The following ABCA13 variants were observed in gnomAD, a reference collection of about 807,000 sequenced individuals.
ABCA13 encodes the protein ATP binding cassette subfamily A member 13, also known as ATP-binding cassette sub-family A member 13.
In ABCA13, 476 loss-of-function variants were observed where a neutral mutation model predicts 478.7. The ratio of observed to expected loss-of-function variants is 0.99; its 90% CI spans 0.92 to 1.07. The LOEUF is 1.07. Among genes scored for constraint, ABCA13 ranks in the 50% least tolerant of loss-of-function variants. The pLI is 0.00. For missense variants in ABCA13, 6,060 were observed against 5,910.6 expected (o/e 1.03, Z -0.83); for synonymous variants, 2,252 against 2,158.9 (o/e 1.04, Z -1.20).
rs188563147 is a variant in ABCA13 at position 48,446,030 on chromosome 7, A to T, written c.12566-9007A>T. On this transcript the variant is annotated intron_variant, in intron 42 of 61. Transcript: ENST00000435803. ...CAGTCCCACAGTGTTGGCCACACTG[A>T]TGTGGCCAACTGATGTGGTCCCACT... 3.7e-3 allele frequency among the ~76,000 whole-genome samples: 558 copies of T among 152,208 alleles called. 3 individuals are homozygous for T. The highest frequency in any genetic ancestry group is 4.5e-3 in the Non-Finnish European group (309 of 67,994).
intron 1 of ABCA13, among the ~76,000 whole-genome samples, chr7:48,187,838 A>G (rs925666922): frequency 6.6e-6 from 1 of 152,130 alleles, no homozygotes; most frequent in Non-Finnish European, 1.5e-5. Flanking sequence ...TTGTAAAGAA[A>G]TTCTTCATTT....
intron 5 of ABCA13, among the ~76,000 whole-genome samples, chr7:48,226,148 A>G (rs2128980652): frequency 6.6e-6 from 1 of 152,292 alleles, no homozygotes; most frequent in East Asian, 1.9e-4. Flanking sequence ...ATGAAAACAA[A>G]ATGAAGATTT....
At chr7:48,522,723 G>C (rs1449903922) in intron 53 of ABCA13, among the ~76,000 whole-genome samples, 3 of 152,176 alleles carry the variant, frequency 2.0e-5, no homozygotes, top group Non-Finnish European at 4.4e-5. Flanking sequence ...TACTTGAAGA[G>C]ATTTAAATGA....
intron 8 of ABCA13, among the ~76,000 whole-genome samples, chr7:48,234,462 A>C (rs546481695): frequency 1.1e-3 from 165 of 152,288 alleles, no homozygotes; most frequent in Non-Finnish European, 1.9e-3. Flanking sequence ...TTCTGAAGAC[A>C]GCGCTAGTGG....
At position 48,309,907 on chromosome 7, in the gene ABCA13, C is replaced by T. The variant is rs79775545; in HGVS notation, c.9322-40C>T. On this transcript the variant is annotated intron_variant, in intron 23 of 61. Coordinates refer to ENST00000435803, the MANE Select transcript of ABCA13 (RefSeq NM_152701.5). ...TCTGAGGTGGTGAAGCACATGACGTCATAGGTATACTCACCTCTAATCTCT... is the reference window on the plus strand; with the variant it reads ...TCTGAGGTGGTGAAGCACATGACGTTATAGGTATACTCACCTCTAATCTCT... 2.2e-3 allele frequency: 3,563 copies of T among 1,609,506 alleles called. 64 individuals carry two copies. The African/African-American group carries it at 0.043, about 19-fold the overall frequency.
At chr7:48,226,087 A>G (rs915046204) in intron 5 of ABCA13, among the ~76,000 whole-genome samples, 1 of 152,078 alleles carries the variant, frequency 6.6e-6, no homozygotes. Context: ...GTAGAAAAGG[A>G]GTGGGGTTGG....
intron 45 of ABCA13, among the ~76,000 whole-genome samples, chr7:48,478,184 A>G (rs1828347498): frequency 6.7e-6 from 1 of 148,680 alleles, no homozygotes; most frequent in African/African-American, 2.4e-5. Flanking sequence ...CATGATATAT[A>G]TATAATACAT....
chr7:48,309,795 C>G (rs192343308), intron 23 of ABCA13, among the ~76,000 whole-genome samples, 152 bp from the exon 24 acceptor site: 1 of 152,308 alleles, frequency 6.6e-6, no homozygotes, highest in Non-Finnish European at 1.5e-5. Flanking sequence ...GAGAATCGAA[C>G]CCCAGTTTGG....
At chr7:48,221,158 T>A (rs1010724078) in intron 4 of ABCA13, 123 bp from the exon 5 acceptor site, 1 of 535,114 alleles carries the variant, frequency 1.9e-6, no homozygotes, top group African/African-American at 2.0e-5. Context: ...AGTTTTGGTG[T>A]ATTTGATTTT....
intron 31 of ABCA13, among the ~76,000 whole-genome samples, chr7:48,365,843 G>A (rs910247190): frequency 1.3e-5 from 2 of 152,116 alleles, no homozygotes; most frequent in Non-Finnish European, 2.9e-5. Flanking sequence ...GATGTGATGT[G>A]AGAAGTTAAA....
At chr7:48,642,664 T>C (rs1289973683) in intron 59 of ABCA13, among the ~76,000 whole-genome samples, 4 of 152,164 alleles carry the variant, frequency 2.6e-5, no homozygotes, top group Admixed American at 2.0e-4. Flanking sequence ...TATTTGAGGT[T>C]ACCTTAGGGT....
chr7:48,612,518 A>G (rs1252029538), intron 58 of ABCA13, among the ~76,000 whole-genome samples: 1 of 152,116 alleles, frequency 6.6e-6, no homozygotes, highest in Non-Finnish European at 1.5e-5. Context: ...TACCTGTGCA[A>G]TTCTCTGAAT....
chr7:48,228,366 G>A (rs913051620), intron 6 of ABCA13, among the ~76,000 whole-genome samples: 13 of 152,174 alleles, frequency 8.5e-5, no homozygotes, highest in Non-Finnish European at 1.8e-4. Flanking sequence ...TTAATGACCA[G>A]ATCATGGTCA....
At chr7:48,482,957 G>A (rs1404154303) in intron 46 of ABCA13, 119 bp from the exon 47 acceptor site, 1 of 707,478 alleles carries the variant, frequency 1.4e-6, no homozygotes, top group Non-Finnish European at 2.3e-6. Flanking sequence ...GACCACAGAT[G>A]CTCAGTTGGC....
In ABCA13 at chr7:48,268,730, T is replaced by C. The variant is rs575956882; in HGVS notation, c.2006-250T>C. 4.6e-5 allele frequency among the ~76,000 whole-genome samples: 7 copies of C among 151,390 alleles called. No homozygotes were observed. The South Asian group carries it at 1.5e-3, about 31-fold the overall frequency. ...TTAAAGCAGCAAGCTGGGATAATCATAGGTCTCGCTCTGTTGTTTACTGCC... is the reference window on the plus strand; with the variant it reads ...TTAAAGCAGCAAGCTGGGATAATCACAGGTCTCGCTCTGTTGTTTACTGCC... On this transcript the variant is annotated intron_variant, in intron 15 of 61. Transcript: ENST00000435803.
chr7:48,465,906 T>A (rs2130133948), intron 43 of ABCA13, among the ~76,000 whole-genome samples: 1 of 152,170 alleles, frequency 6.6e-6, no homozygotes, highest in South Asian at 2.1e-4. Flanking sequence ...TTAAAAGGAG[T>A]CACTTATGTA....
rs780918542 is a variant in ABCA13, at chr7:48,229,922, A to G, written c.730A>G (p.Thr244Ala). 3.3e-5 allele frequency: 54 copies of G among 1,613,990 alleles called. No individual in the cohort carries two copies. Among genetic ancestry groups the G allele is most frequent in the Non-Finnish European group, 4.2e-5 (50 of 1,179,870 alleles). Residue 244 changes from threonine (T) to alanine (A), a missense_variant, in exon 7 of 62, where the codon ACA becomes GCA. Around this residue, in one of 3 missense-constraint regions of ABCA13, gnomAD observed 4,423 missense variants for 4,309.1 expected, o/e 1.03. Coordinates refer to ENST00000435803, the MANE Select transcript of ABCA13 (RefSeq NM_152701.5). Reference protein sequence around the residue: ...LVLNVTISTLTFLQQHGVAVT... With the variant: ...LVLNVTISTLAFLQQHGVAVT... ...ACTGAATGTGACCATTTCGACACTG[A>G]CATTTCTGCAGCAACATGGAGTAGC... is the stretch of plus-strand genomic sequence containing the variant.
Position 48,278,529 on chromosome 7 carries a change from C to T in ABCA13, c.7335C>T (p.Leu2445=), listed in dbSNP as rs1162992223. The change falls in exon 18 of 62, where the codon CTC becomes CTT. Residue 2445 remains leucine (L), a synonymous_variant. Coordinates refer to ENST00000435803, the MANE Select transcript of ABCA13 (RefSeq NM_152701.5). ...ACTTCTATGCTTTGTATCCTACCCT[C>T]CAAGAAGTTATACTTGCTAATCTAA... ...NKDFYALYPT[L]QEVILANLTD... The T allele has an allele frequency of 6.2e-7, 1 of 1,613,896 alleles. No individual in the cohort carries two copies. Among genetic ancestry groups the T allele is most frequent in the Non-Finnish European group, 8.5e-7 (1 of 1,179,840 alleles).
intron 55 of ABCA13, among the ~76,000 whole-genome samples, chr7:48,548,381 ATTGC>A (rs1488738105): frequency 6.6e-6 from 1 of 151,842 alleles, no homozygotes; most frequent in Non-Finnish European, 1.5e-5. Flanking sequence ...ATTGGAAGGA[ATTGC>A]TTTCTTTCTC....
Sources: gnomAD v4.1 joint callset for allele counts (sites outside exome capture counted in the v4.1 genomes callset) on GRCh38, gnomAD v4.1.1 for gene constraint, gnomAD v4.1.1 regional missense constraint, MANE v1.5 for transcripts, NCBI Gene and HGNC (gene_info 2026-07-23, HGNC 2026-07-21) for gene names.